The following CREB5 variants were observed in gnomAD, a reference collection of about 807,000 sequenced individuals.
CREB5 encodes the protein cAMP responsive element binding protein 5, also known as cyclic AMP-responsive element-binding protein 5.
In CREB5, 19 loss-of-function variants were observed where a neutral mutation model predicts 57.1. That is an observed-to-expected ratio of 0.33 (90% confidence interval 0.23 to 0.49). The LOEUF is 0.49. Ranked by LOEUF, CREB5 falls within the 20% of genes least tolerant of loss-of-function variation. The pLI is 0.99. For synonymous variants in CREB5, 238 were observed against 238.3 expected (o/e 1.00, Z 0.01); for missense variants, 579 against 671.6 (o/e 0.86, Z 1.52).
chr7:28,450,411 T>G (rs1789740116), intron 1 of CREB5, among the ~76,000 whole-genome samples: 1 of 152,244 alleles, frequency 6.6e-6, no homozygotes, highest in South Asian at 2.1e-4. Flanking sequence ...TGTTCTAAAC[T>G]GCCATTTGGA....
chr7:28,730,347 C>T (rs1285700285), intron 7 of CREB5, among the ~76,000 whole-genome samples: 1 of 133,760 alleles, frequency 7.5e-6, no homozygotes, highest in Admixed American at 7.7e-5. Flanking sequence ...GCCACCACAC[C>T]CAGATAATTT....
intron 4 of CREB5, among the ~76,000 whole-genome samples, chr7:28,522,390 G>GTTTTTTTTTTTTTTTTT (rs11291433): frequency 2.0e-5 from 2 of 97,604 alleles, no homozygotes. Flanking sequence ...CCTGCTCTTT[G>GTTTTTTTTTTTTTTTTT]TTTTTTTTTT....
chr7:28,599,550 C>T (rs908167035), intron 5 of CREB5, among the ~76,000 whole-genome samples: 2 of 152,144 alleles, frequency 1.3e-5, no homozygotes, highest in Non-Finnish European at 2.9e-5. Context: ...GACACTTCAT[C>T]TGGGCAAGAC....
intron 5 of CREB5, among the ~76,000 whole-genome samples, chr7:28,680,017 T>C (rs1235339280): frequency 7.0e-6 from 1 of 143,454 alleles, no homozygotes; most frequent in Non-Finnish European, 1.5e-5. Context: ...GTACACAGAG[T>C]AGAAAATTAT....
intron 5 of CREB5, among the ~76,000 whole-genome samples, chr7:28,681,120 G>A (rs941528522): frequency 2.0e-5 from 3 of 151,678 alleles, no homozygotes; most frequent in Non-Finnish European, 4.4e-5. Flanking sequence ...GGAATCTGAG[G>A]CCCTCCAGGG....
chr7:28,687,864 C>G (rs1374391788), intron 5 of CREB5, among the ~76,000 whole-genome samples: 1 of 151,990 alleles, frequency 6.6e-6, no homozygotes, highest in East Asian at 1.9e-4. Flanking sequence ...GATGCTTGAC[C>G]TTGAGCAAAT....
chr7:28,727,513 ATAGCATG>A (rs1803392355), intron 7 of CREB5, among the ~76,000 whole-genome samples: 1 of 152,248 alleles, frequency 6.6e-6, no homozygotes, highest in Non-Finnish European at 1.5e-5. Context: ...TCCAGTCTCT[ATAGCATG>A]CAGATGATTC....
chr7:28,637,026 T>G (rs1320682475), intron 5 of CREB5, among the ~76,000 whole-genome samples: 2 of 151,982 alleles, frequency 1.3e-5, no homozygotes, highest in Non-Finnish European at 2.9e-5. Context: ...TGGTAGTGTG[T>G]GCCTGTGGTC....
intron 7 of CREB5, among the ~76,000 whole-genome samples, chr7:28,774,342 C>T (rs1327914362): frequency 6.6e-6 from 1 of 152,174 alleles, no homozygotes; most frequent in Non-Finnish European, 1.5e-5. Context: ...TGTCACTTCA[C>T]TCACTCCGGC....
At chr7:28,641,980 A>G (rs1000710353) in intron 5 of CREB5, among the ~76,000 whole-genome samples, 9 of 152,204 alleles carry the variant, frequency 5.9e-5, no homozygotes, top group Non-Finnish European at 1.5e-5. Context: ...CTGGGTGTGC[A>G]TGTCACAATG....
Position 28,550,848 on chromosome 7 carries a change from G to A in CREB5, c.292-19517G>A, listed in dbSNP as rs1046506959. Among the ~76,000 whole-genome samples, 4 of 152,182 alleles carry A rather than the reference G, an allele frequency of 2.6e-5. No homozygotes were observed. The East Asian group carries it at 5.8e-4, about 22-fold the overall frequency. On this transcript the variant is annotated intron_variant, in intron 4 of 10. Transcript: ENST00000357727. ...TAAACACAGTGCCCTAAAGCCAGGG[G>A]CCGTTAAGATTTTATAATCTAAAGC...
At chr7:28,608,601 C>T (rs1797262778) in intron 5 of CREB5, among the ~76,000 whole-genome samples, 1 of 152,126 alleles carries the variant, frequency 6.6e-6, no homozygotes, top group Non-Finnish European at 1.5e-5. Flanking sequence ...CCCACCAGCA[C>T]AGCACATTGA....
chr7:28,433,838 C>T (rs1214280126), intron 1 of CREB5, among the ~76,000 whole-genome samples: 1 of 151,552 alleles, frequency 6.6e-6, no homozygotes, highest in East Asian at 1.9e-4. Context: ...CTTGCTGTAG[C>T]TTCAGTTATA....
chr7:28,400,493 T>G (rs548946564), intron 1 of CREB5, among the ~76,000 whole-genome samples: 4 of 152,180 alleles, frequency 2.6e-5, no homozygotes, highest in African/African-American at 9.7e-5. Context: ...AATGTCCCAG[T>G]GTACTGTTTA....
intron 5 of CREB5, among the ~76,000 whole-genome samples, chr7:28,706,699 T>C (rs1011230617): frequency 6.6e-6 from 1 of 152,202 alleles, no homozygotes; most frequent in African/African-American, 2.4e-5. Flanking sequence ...TCATGATAAG[T>C]GCTCTTGCAA....
chr7:28,491,143 T>C (rs531347712), intron 2 of CREB5: 1 of 896,344 alleles, frequency 1.1e-6, no homozygotes, highest in African/African-American at 1.8e-5. Context: ...TCAAGAGCAC[T>C]AGGCAGTGAC....
rs542126938 is a variant in CREB5 at position 28,766,648 on chromosome 7, G to A, written c.703-37551G>A. On this transcript the variant is annotated intron_variant, in intron 7 of 10. Transcript: ENST00000357727. ...TGGAGCACCCACGGGCTGGAATGTC[G>A]ACCCAGATTGAAGACTGCCCTTCAG... is the stretch of plus-strand genomic sequence containing the variant. 1.3e-3 allele frequency among the ~76,000 whole-genome samples: 200 copies of A among 152,140 alleles called. 1 individual carries two copies. The highest frequency in any genetic ancestry group is 2.2e-3 in the Non-Finnish European group (150 of 68,036).
intron 1 of CREB5, among the ~76,000 whole-genome samples, chr7:28,341,907 C>A (rs1401786809): frequency 6.6e-6 from 1 of 152,094 alleles, no homozygotes; most frequent in Non-Finnish European, 1.5e-5. Context: ...AAGTTTTGTG[C>A]AGAAAGTGAG....
At chr7:28,601,546 G>A (rs888856052) in intron 5 of CREB5, among the ~76,000 whole-genome samples, 8 of 152,052 alleles carry the variant, frequency 5.3e-5, no homozygotes, top group African/African-American at 1.9e-4. Context: ...AATAATAGAG[G>A]CAATTTCAAA....
Sources: gnomAD v4.1 joint callset for allele counts (sites outside exome capture counted in the v4.1 genomes callset) on GRCh38, gnomAD v4.1.1 for gene constraint, MANE v1.5 for transcripts, NCBI Gene and HGNC (gene_info 2026-07-23, HGNC 2026-07-21) for gene names.